Variants in TCERG1 observed in about 807,000 individuals in gnomAD.
TCERG1 encodes transcription elongation regulator 1, also known as TATA box binding protein (TBP)-associated factor, RNA polymerase II, S, 150kD.
A neutral mutation model predicts 144.7 loss-of-function variants in TCERG1; 37 were observed. That is an observed-to-expected ratio of 0.26 (90% CI 0.20 to 0.34). The LOEUF (loss-of-function observed/expected upper bound fraction) is 0.34. TCERG1 is among the 10% of genes least tolerant of loss of function. The pLI is 1.00. For missense variants in TCERG1, 1,027 were observed against 1,380.7 expected (o/e 0.74, Z 4.06); for synonymous variants, 492 against 458.2 (o/e 1.07, Z -0.94).
intron 1 of TCERG1, among the ~76,000 whole-genome samples, chr5:146,451,773 GT>G (rs201619973): frequency 2.1e-3 from 287 of 137,270 alleles, no homozygotes; most frequent in African/African-American, 5.2e-3. Context: ...AGGCAAATTA[GT>G]TTTTTTTTTT....
At chr5:146,472,940 C>T (rs1213301145) in intron 9 of TCERG1, among the ~76,000 whole-genome samples, 2 of 152,120 alleles carry the variant, frequency 1.3e-5, no homozygotes, top group Non-Finnish European at 2.9e-5. Flanking sequence ...GTCTCGATCT[C>T]CTGACCTCGT....
Position 146,507,174 on chromosome 5 carries a change from G to A in TCERG1, c.2928G>A (p.Glu976=), listed in dbSNP as rs774667772. The A allele has an allele frequency of 2.5e-6, 4 of 1,603,182 alleles. No homozygotes were observed. The highest frequency in any genetic ancestry group is 2.2e-5 in the East Asian group (1 of 44,764). Reference sequence around the variant, plus strand: ...AAGCACTTACCAAAAAAAAGAGAGAGCACTTTAGGCAACTTCTGGATGAAA... The same window carrying A: ...AAGCACTTACCAAAAAAAAGAGAGAACACTTTAGGCAACTTCTGGATGAAA... The part of the protein sequence containing the change: ...HIEALTKKKR[E]HFRQLLDETS... Residue 976 remains glutamate (E), a synonymous_variant, in exon 20 of 23, where the codon GAG becomes GAA. Coordinates refer to ENST00000679501, the MANE Select transcript of TCERG1 (RefSeq NM_001382548.1). The surrounding 1 kb of genome is among the most constrained non-coding windows in gnomAD (Gnocchi z 4.6).
chr5:146,473,663 C>G (rs1764556483), intron 9 of TCERG1, among the ~76,000 whole-genome samples: 1 of 152,092 alleles, frequency 6.6e-6, no homozygotes, highest in Non-Finnish European at 1.5e-5. Flanking sequence ...TTTGAAAATC[C>G]TAGGGCCCTT....
At chr5:146,463,211 T>A (rs760130585) in intron 4 of TCERG1, among the ~76,000 whole-genome samples, 6 of 152,196 alleles carry the variant, frequency 3.9e-5, no homozygotes, top group Non-Finnish European at 8.8e-5. Context: ...ACTGGTTTAT[T>A]TTTTTCTTCT....
chr5:146,463,523 T>C, intron 4 of TCERG1, 28 bp from the exon 5 acceptor site: 1 of 1,613,380 alleles, frequency 6.2e-7, no homozygotes, highest in Non-Finnish European at 8.5e-7. Flanking sequence ...GAAGGAGTGA[T>C]ACATGTTTTT....
Position 146,481,122 on chromosome 5 carries a change from C to T in TCERG1, c.1887-28C>T, listed in dbSNP as rs1487640774. 6.1e-6 allele frequency: 6 copies of T among 982,212 alleles called. 1 individual carries two copies. The South Asian group carries it at 1.9e-4, about 31-fold the overall frequency. The allele number at this position is 982,212 out of a possible 1,614,324, so 60.8% of individuals were successfully genotyped here. ...TAATTGTTTGTTCTTATAGACAACTCTGTAAGGTTTTTAACTGCTTTTATC... is the reference window on the plus strand; with the variant it reads ...TAATTGTTTGTTCTTATAGACAACTTTGTAAGGTTTTTAACTGCTTTTATC... On this transcript the variant is annotated intron_variant, in intron 12 of 22. Coordinates refer to ENST00000679501, the MANE Select transcript of TCERG1 (RefSeq NM_001382548.1).
chr5:146,501,056 CTATTCTTAAG>C (rs1331473777), intron 17 of TCERG1, among the ~76,000 whole-genome samples: 2 of 150,082 alleles, frequency 1.3e-5, no homozygotes, highest in African/African-American at 4.9e-5. Flanking sequence ...GCCAAAGTAA[CTATTCTTAAG>C]CTATTTTATT....
chr5:146,453,378 C>T (rs1191937156), intron 1 of TCERG1, among the ~76,000 whole-genome samples: 1 of 152,186 alleles, frequency 6.6e-6, no homozygotes, highest in Non-Finnish European at 1.5e-5. Flanking sequence ...TTCTGCTTTA[C>T]TATTTGCGTG....
intron 1 of TCERG1, among the ~76,000 whole-genome samples, chr5:146,448,308 T>G (rs1043545826): frequency 6.6e-6 from 1 of 152,062 alleles, no homozygotes; most frequent in Non-Finnish European, 1.5e-5. Flanking sequence ...TCATGCCATT[T>G]CCTTGAACAG....
At chr5:146,448,806 A>T (rs138023455) in intron 1 of TCERG1, among the ~76,000 whole-genome samples, 3 of 152,246 alleles carry the variant, frequency 2.0e-5, no homozygotes, top group Non-Finnish European at 4.4e-5. Context: ...ATCTTTAAAT[A>T]TTAGCGATGC....
chr5:146,509,111 T>A, intron 21 of TCERG1, 34 bp from the exon 22 acceptor site: 1 of 1,351,582 alleles, frequency 7.4e-7, no homozygotes, highest in East Asian at 2.3e-5. Flanking sequence ...GGGTTTTATT[T>A]CCATAATCTC....
intron 17 of TCERG1, among the ~76,000 whole-genome samples, chr5:146,502,401 TG>T (rs1459510675): frequency 1.3e-5 from 2 of 152,212 alleles, no homozygotes; most frequent in African/African-American, 4.8e-5. Context: ...TTGGTTACCT[TG>T]GGTATCTTCT....
chr5:146,454,710 G>T (rs934629595), intron 1 of TCERG1, among the ~76,000 whole-genome samples: 14 of 152,072 alleles, frequency 9.2e-5, no homozygotes, highest in Non-Finnish European at 1.0e-4. Flanking sequence ...TGATTCTCCT[G>T]CCTCAGCCTC....
At chr5:146,468,931 A>T (rs901245108) in intron 6 of TCERG1, among the ~76,000 whole-genome samples, 3 of 149,686 alleles carry the variant, frequency 2.0e-5, no homozygotes, top group African/African-American at 4.9e-5. Flanking sequence ...ATAGTATTTT[A>T]TTTATATATT....
At position 146,493,007 on chromosome 5, in the gene TCERG1, A is replaced by G; in HGVS notation, c.2251A>G (p.Lys751Glu). ...KIMQAKEDFK[K>E]MMEEAKFNPR... Reference sequence around the variant, plus strand: ...AATGCAAGCCAAGGAAGATTTCAAAAAAATGATGGAAGAAGCAAAATTTAA... The same window carrying G: ...AATGCAAGCCAAGGAAGATTTCAAAGAAATGATGGAAGAAGCAAAATTTAA... Residue 751 changes from lysine (K) to glutamate (E), a missense_variant, in exon 16 of 23, where the codon AAA becomes GAA. By Grantham distance (56) the Lys-to-Glu change is moderately conservative. Around this residue, in one of 6 missense-constraint regions of TCERG1, gnomAD observed 482 missense variants for 632.6 expected, o/e 0.76. Transcript: ENST00000679501. 6.2e-7 allele frequency: 1 copy of G among 1,606,004 alleles called. No individual in the cohort carries two copies. The highest frequency in any genetic ancestry group is 8.5e-7 in the Non-Finnish European group (1 of 1,177,080).
In TCERG1 at chr5:146,453,380, A is replaced by G. The variant is rs190212417; in HGVS notation, c.60-1676A>G. ...AATATTTTACCTCTTCTGCTTTACTATTTGCGTGCACACGTGCATCCTCTT... is the reference window on the plus strand; with the variant it reads ...AATATTTTACCTCTTCTGCTTTACTGTTTGCGTGCACACGTGCATCCTCTT... On this transcript the variant is annotated intron_variant, in intron 1 of 22. Coordinates refer to ENST00000679501, the MANE Select transcript of TCERG1 (RefSeq NM_001382548.1). Among the ~76,000 whole-genome samples the G allele has an allele frequency of 3.9e-5, 6 of 152,272 alleles. No homozygotes were observed. In the East Asian group the frequency reaches 7.7e-4, roughly 20 times the overall value.
At chr5:146,460,205 T>C (rs1475311531) in intron 4 of TCERG1, among the ~76,000 whole-genome samples, 1 of 152,116 alleles carries the variant, frequency 6.6e-6, no homozygotes, top group Non-Finnish European at 1.5e-5. Context: ...AGAGTAGATC[T>C]TTTCTGAAAA....
At chr5:146,458,783 G>C in intron 3 of TCERG1, 101 bp from the exon 4 acceptor site, 1 of 1,477,318 alleles carries the variant, frequency 6.8e-7, no homozygotes, top group Non-Finnish European at 9.1e-7. Context: ...CTGGCCCTAC[G>C]TTATTTTTAA....
chr5:146,478,900 A>G (rs923685956), intron 10 of TCERG1, among the ~76,000 whole-genome samples: 2 of 152,272 alleles, frequency 1.3e-5, no homozygotes, highest in East Asian at 3.9e-4. Context: ...ATTTTCAGTT[A>G]GTCCAAGATA....
Sources: gnomAD v4.1 joint callset for allele counts (sites outside exome capture counted in the v4.1 genomes callset) on GRCh38, gnomAD v4.1.1 for gene constraint, gnomAD v4.1.1 regional missense constraint, Gnocchi (gnomAD v3.1) non-coding constraint, MANE v1.5 for transcripts, NCBI Gene and HGNC (gene_info 2026-07-23, HGNC 2026-07-21) for gene names.